The following STRIP2 variants were observed in gnomAD, a reference collection of about 807,000 sequenced individuals.
STRIP2 encodes striatin interacting protein 2, also known as striatin-interacting protein 2.
A neutral mutation model predicts 107.1 loss-of-function variants in STRIP2; 84 were observed. That is an observed-to-expected ratio of 0.78 (90% CI 0.66 to 0.94). The LOEUF (loss-of-function observed/expected upper bound fraction) is 0.94. Ranked by LOEUF, STRIP2 falls within the 40% of genes least tolerant of loss-of-function variation. STRIP2 has a pLI of 0.00. For synonymous variants in STRIP2, 394 were observed against 400.4 expected (o/e 0.98, Z 0.19); for missense variants, 888 against 1,034.2 (o/e 0.86, Z 1.94).
intron 5 of STRIP2, 71 bp from the exon 6 acceptor site, chr7:129,454,071 G>GAGTGATAA: frequency 7.1e-7 from 1 of 1,416,834 alleles, no homozygotes; most frequent in Non-Finnish European, 9.9e-7. Flanking sequence ...ATATTTGTGT[G>GAGTGATAA]AGTGATAAGT....
chr7:129,456,362 C>A, intron 8 of STRIP2, 77 bp from the exon 9 acceptor site: 1 of 1,338,892 alleles, frequency 7.5e-7, no homozygotes, highest in Non-Finnish European at 1.1e-6. Flanking sequence ...TTCTTTTCAT[C>A]CATGTTTCCC....
At position 129,482,844 on chromosome 7, in the gene STRIP2, G is replaced by T. The variant is rs1200030833; in HGVS notation, c.2052G>T (p.Met684Ile). 6.2e-7 allele frequency: 1 copy of T among 1,614,054 alleles called. No homozygotes were observed. Residue 684 changes from methionine to isoleucine, a missense_variant and splice_region_variant, in exon 20 of 21, where the codon ATG becomes ATT. Transcript: ENST00000249344. ...CCCACCCCTCTTTCAATGAACAGATGCTGGTAGTGTTTAAATCGGCACCAA... is the reference window on the plus strand; with the variant it reads ...CCCACCCCTCTTTCAATGAACAGATTCTGGTAGTGTTTAAATCGGCACCAA... ...LTKWKHSRTM[M>I]LVVFKSAPIL...
intron 19 of STRIP2, among the ~76,000 whole-genome samples, chr7:129,481,782 T>A (rs1359560937): frequency 6.6e-6 from 1 of 152,060 alleles, no homozygotes; most frequent in Non-Finnish European, 1.5e-5. Flanking sequence ...AGTTCTGTAC[T>A]GATATGGAAT....
intron 17 of STRIP2, 42 bp downstream of exon 17, chr7:129,467,492 G>T (rs1404102922): frequency 1.4e-6 from 2 of 1,475,846 alleles, no homozygotes; most frequent in South Asian, 2.3e-5. Flanking sequence ...GCTATTTTGG[G>T]GTGGTTGAGA....
At chr7:129,437,139 T>G (rs1797761855) in intron 1 of STRIP2, among the ~76,000 whole-genome samples, 1 of 152,206 alleles carries the variant, frequency 6.6e-6, no homozygotes, top group East Asian at 1.9e-4. Flanking sequence ...AGGCTAAAAT[T>G]TTTATTTTAA....
intron 18 of STRIP2, among the ~76,000 whole-genome samples, chr7:129,471,754 C>T (rs1355571254): frequency 6.6e-6 from 1 of 152,110 alleles, no homozygotes; most frequent in African/African-American, 2.4e-5. Flanking sequence ...ATGGTTTACT[C>T]CTCATAGGTG....
chr7:129,478,832 A>G (rs534441043), intron 18 of STRIP2, among the ~76,000 whole-genome samples: 1 of 152,266 alleles, frequency 6.6e-6, no homozygotes, highest in East Asian at 1.9e-4. Flanking sequence ...CTACAAGGGG[A>G]TGCCTTCTCT....
Position 129,434,513 on chromosome 7 carries a change from C to T in STRIP2, c.41C>T (p.Ala14Val). The change falls in exon 1 of 21, where the codon GCA (alanine) becomes GTA (valine). Residue 14 changes from alanine (A) to valine (V), a missense_variant. By Grantham distance (64) the Ala-to-Val change is moderately conservative (BLOSUM62 0). Transcript: ENST00000249344. ...PAAPGTGGPP[A>V]NGNGNGGGKG... is the part of the protein sequence containing the mutation. ...GCGCCTGGGACCGGGGGCCCGCCCGCAAATGGCAATGGCAACGGCGGCGGC... is the reference window on the plus strand; with the variant it reads ...GCGCCTGGGACCGGGGGCCCGCCCGTAAATGGCAATGGCAACGGCGGCGGC... 1.3e-6 allele frequency: 2 copies of T among 1,517,820 alleles called. No homozygotes were observed. Among genetic ancestry groups the T allele is most frequent in the Middle Eastern group, 2.3e-4 (1 of 4,342 alleles). The allele number at this position is 1,517,820 out of a possible 1,614,324, so 94.0% of individuals were successfully genotyped here. A position where few individuals can be genotyped will look rare whatever the true frequency, so the allele number is the denominator to read the frequency against.
rs1385998754 is a variant in STRIP2, at chr7:129,464,693, G to A, written c.1731G>A (p.Leu577=). 2 of 1,614,094 alleles carry A rather than the reference G, an allele frequency of 1.2e-6. No homozygotes were observed. The highest frequency in any genetic ancestry group is 8.5e-7 in the Non-Finnish European group (1 of 1,180,004). Residue 577 remains leucine, a synonymous_variant, in exon 16 of 21, where the codon CTG becomes CTA. Coordinates refer to ENST00000249344, the MANE Select transcript of STRIP2 (RefSeq NM_020704.3). Reference sequence around the variant, plus strand: ...TTATTGTAAAGAGTATCTCTACCCTGCTTCTGCTACTCCTCAAACACTTCA... The same window carrying A: ...TTATTGTAAAGAGTATCTCTACCCTACTTCTGCTACTCCTCAAACACTTCA... The part of the protein sequence containing the change: ...KEIIVKSIST[L]LLLLLKHFKL...
intron 18 of STRIP2, among the ~76,000 whole-genome samples, chr7:129,473,578 C>A (rs1798843899): frequency 6.6e-6 from 1 of 152,116 alleles, no homozygotes; most frequent in African/African-American, 2.4e-5. Context: ...TTGTGTTGCC[C>A]AAGCTGATCT....
intron 16 of STRIP2, among the ~76,000 whole-genome samples, chr7:129,466,179 G>A (rs1346214618): frequency 2.0e-5 from 3 of 152,098 alleles, no homozygotes; most frequent in African/African-American, 7.2e-5. Context: ...CAGACAGGTG[G>A]ATGGCTTGAT....
At chr7:129,468,259 T>G (rs1450968538) in intron 17 of STRIP2, among the ~76,000 whole-genome samples, 1 of 152,124 alleles carries the variant, frequency 6.6e-6, no homozygotes. Flanking sequence ...ATACTTGGGG[T>G]GACTAGAGAT....
intron 13 of STRIP2, chr7:129,460,676 G>A (rs995399897): frequency 5.7e-6 from 2 of 349,070 alleles, no homozygotes; most frequent in Admixed American, 4.3e-5. Context: ...CTCTGAGAAG[G>A]TGACATTTAA....
intron 18 of STRIP2, among the ~76,000 whole-genome samples, chr7:129,480,505 A>T (rs1256941875): frequency 6.6e-6 from 1 of 152,254 alleles, no homozygotes; most frequent in Non-Finnish European, 1.5e-5. Flanking sequence ...TCCTAGAGCA[A>T]TAAGCTACAC....
chr7:129,463,945 C>A, intron 14 of STRIP2, 99 bp from the exon 15 acceptor site: 1 of 893,328 alleles, frequency 1.1e-6, no homozygotes, highest in Non-Finnish European at 1.8e-6. Context: ...TACAGAATGG[C>A]TTTAAAACAC....
At chr7:129,438,308 A>G (rs1797804688) in intron 1 of STRIP2, among the ~76,000 whole-genome samples, 1 of 152,242 alleles carries the variant, frequency 6.6e-6, no homozygotes, top group Non-Finnish European at 1.5e-5. Context: ...AACCATTTAA[A>G]TATTCAATAA....
intron 16 of STRIP2, among the ~76,000 whole-genome samples, chr7:129,465,724 T>C (rs1348750): frequency 0.22 from 33,545 of 152,190 alleles, 4,210 homozygotes; most frequent in Non-Finnish European, 0.28. Flanking sequence ...CTAAGGAGTT[T>C]GGACTTGGTT....
Position 129,486,444 on chromosome 7 carries a change from T to C in STRIP2, c.*615T>C, listed in dbSNP as rs1799245635. 1 of 154,724 alleles carries C rather than the reference T, an allele frequency of 6.5e-6. No homozygotes were observed. The highest frequency in any genetic ancestry group is 1.4e-5 in the Non-Finnish European group (1 of 69,614). 9.6% of individuals were successfully genotyped at this position (154,724 alleles called of 1,614,324 possible). A position where few individuals can be genotyped will look rare whatever the true frequency, so the allele number is the denominator to read the frequency against. On this transcript the variant is annotated 3_prime_UTR_variant, in exon 21 of 21. Coordinates refer to ENST00000249344, the MANE Select transcript of STRIP2 (RefSeq NM_020704.3). Reference sequence around the variant, plus strand: ...GTGTAAAGTGTTTTTTTCCTCATTCTGTAAGAGATCTATATTCAATGTGAA... The same window carrying C: ...GTGTAAAGTGTTTTTTTCCTCATTCCGTAAGAGATCTATATTCAATGTGAA...
intron 7 of STRIP2, among the ~76,000 whole-genome samples, chr7:129,454,852 G>A (rs751948439): frequency 1.3e-5 from 2 of 152,212 alleles, no homozygotes; most frequent in Non-Finnish European, 2.9e-5. Flanking sequence ...ACTGAGTTCT[G>A]TTCAAATGTA....
Sources: allele counts gnomAD v4.1 joint callset (sites outside exome capture counted in the v4.1 genomes callset), GRCh38; gene constraint gnomAD v4.1.1; transcripts MANE v1.5; gene names NCBI Gene and HGNC (gene_info 2026-07-23, HGNC 2026-07-21).